The following XCR1 variants were observed in gnomAD, a reference collection of about 807,000 sequenced individuals.
XCR1 encodes X-C motif chemokine receptor 1.
For synonymous variants in XCR1, 187 were observed against 188.5 expected (o/e 0.99, Z 0.06); for missense variants, 356 against 424.2 (o/e 0.84, Z 1.41).
At chr3:46,078,518 G>T (rs988566942) in intron 1 of XCR1, among the ~76,000 whole-genome samples, 3 of 152,168 alleles carry the variant, frequency 2.0e-5, no homozygotes, top group Non-Finnish European at 4.4e-5. Context: ...AGGAGATTTG[G>T]GTTCCAGAAA....
At chr3:46,082,714 T>C (rs533980202) in intron 1 of XCR1, among the ~76,000 whole-genome samples, 4 of 151,970 alleles carry the variant, frequency 2.6e-5, no homozygotes, top group Non-Finnish European at 5.9e-5. Context: ...GGTCTCAAAC[T>C]CCTGGCCTTA....
At chr3:46,033,828 T>C (rs549676503) in intron 5 of XCR1, among the ~76,000 whole-genome samples, 6 of 152,336 alleles carry the variant, frequency 3.9e-5, no homozygotes, top group South Asian at 4.1e-4. Flanking sequence ...TAGGTCTTCG[T>C]TGATTTCTTT....
At chr3:46,059,430 A>C (rs1184358066) in intron 4 of XCR1, among the ~76,000 whole-genome samples, 1 of 152,200 alleles carries the variant, frequency 6.6e-6, no homozygotes, top group African/African-American at 2.4e-5. Flanking sequence ...GCTTGGAAGG[A>C]AAAATAGGTA....
chr3:46,076,289 G>A (rs537876945), intron 2 of XCR1, among the ~76,000 whole-genome samples: 1 of 152,302 alleles, frequency 6.6e-6, no homozygotes, highest in Non-Finnish European at 1.5e-5. Flanking sequence ...CACTTGGCCA[G>A]CTCTGGGAAC....
chr3:46,058,244 G>A (rs144123700), intron 4 of XCR1, among the ~76,000 whole-genome samples: 127 of 152,278 alleles, frequency 8.3e-4, no homozygotes, highest in African/African-American at 3.0e-3. Context: ...CTTATTAAAG[G>A]TAAGGTTCTG....
rs1697431365 is a variant in XCR1, at chr3:46,036,378, A to G, written c.-31-14400T>C. On this transcript the variant is annotated intron_variant, in intron 5 of 5. Coordinates refer to the XCR1 transcript ENST00000683768. ...ATTACATATGGGGCAAATAAAGTGT[A>G]ACCACGTAAACCAATGACTTTGTAT... Among the ~76,000 whole-genome samples the G allele has an allele frequency of 2.0e-5, 3 of 152,268 alleles. No homozygotes were observed. The South Asian group carries it at 6.2e-4, about 31-fold the overall frequency.
intron 1 of XCR1, among the ~76,000 whole-genome samples, chr3:46,085,491 A>C (rs1276858268): frequency 6.6e-6 from 1 of 152,102 alleles, no homozygotes; most frequent in Non-Finnish European, 1.5e-5. Flanking sequence ...CATTTTAAAC[A>C]CTTTGAGTTT....
upstream of XCR1, among the ~76,000 whole-genome samples, chr3:46,028,806 A>G (rs1206719785): frequency 2.0e-5 from 3 of 152,048 alleles, no homozygotes; most frequent in East Asian, 5.8e-4. Context: ...TGCCCAGACT[A>G]ATCTTGGACT....
intron 1 of XCR1, among the ~76,000 whole-genome samples, chr3:46,081,441 C>T (rs1294178519): frequency 6.6e-6 from 1 of 152,170 alleles, no homozygotes; most frequent in Non-Finnish European, 1.5e-5. Context: ...GTGATATCCT[C>T]CATTACTGCC....
upstream of XCR1, among the ~76,000 whole-genome samples, chr3:46,028,337 G>A (rs77733395): frequency 3.0e-4 from 45 of 152,126 alleles, no homozygotes; most frequent in African/African-American, 1.0e-3. Context: ...GAATAAAGAT[G>A]TTGAGCATCT....
intron 4 of XCR1, among the ~76,000 whole-genome samples, chr3:46,060,469 T>C (rs1489657863): frequency 6.6e-6 from 1 of 152,166 alleles, no homozygotes; most frequent in Non-Finnish European, 1.5e-5. Flanking sequence ...GGATCAATCA[T>C]CCCAACCAAC....
chr3:46,065,007 C>G (rs1394411082), intron 4 of XCR1, among the ~76,000 whole-genome samples: 1 of 152,080 alleles, frequency 6.6e-6, no homozygotes, highest in Non-Finnish European at 1.5e-5. Flanking sequence ...AGGAGAATTG[C>G]TTGAACCAGC....
intron 5 of XCR1, among the ~76,000 whole-genome samples, chr3:46,052,039 C>CAAAAAA (rs771023267): frequency 0.066 from 6,457 of 97,944 alleles, 181 homozygotes; most frequent in African/African-American, 0.14. Flanking sequence ...AAAACAAAAA[C>CAAAAAA]AAAAAAAAAA....
At chr3:46,058,720 T>C (rs1697901568) in intron 4 of XCR1, among the ~76,000 whole-genome samples, 2 of 152,116 alleles carry the variant, frequency 1.3e-5, no homozygotes, top group African/African-American at 2.4e-5. Context: ...GGTGCCACCA[T>C]GCCCAGCTAG....
At position 46,020,852 on chromosome 3, in the gene XCR1, T is replaced by G; in HGVS notation, c.*94A>C. On this transcript the variant is annotated 3_prime_UTR_variant, in exon 2 of 2. Transcript: ENST00000309285. ...AGCGGAGGAGACGTCTCCACCCTGC[T>G]GTGTTCTGCAATGCTCCTTCCAGGC... 6.8e-7 allele frequency: 1 copy of G among 1,471,278 alleles called. No homozygotes were observed. Among genetic ancestry groups the G allele is most frequent in the South Asian group, 1.4e-5 (1 of 71,632 alleles). 91.1% of individuals were successfully genotyped at this position (1,471,278 alleles called of 1,614,324 possible).
chr3:46,078,837 CT>C (rs1362025253), intron 1 of XCR1, among the ~76,000 whole-genome samples: 1 of 152,222 alleles, frequency 6.6e-6, no homozygotes, highest in Non-Finnish European at 1.5e-5. Flanking sequence ...TCTCTGCAGA[CT>C]TTGCAGAGGT....
upstream of XCR1, among the ~76,000 whole-genome samples, chr3:46,028,166 A>C (rs1009964412): frequency 6.6e-6 from 1 of 150,762 alleles, no homozygotes; most frequent in Non-Finnish European, 1.5e-5. Context: ...TGCCTTCTTC[A>C]CTCTCCAGTG....
At chr3:46,025,836 C>A (rs1708277628) in intron 1 of XCR1, among the ~76,000 whole-genome samples, 1 of 151,952 alleles carries the variant, frequency 6.6e-6, no homozygotes, top group Admixed American at 6.6e-5. Flanking sequence ...GCCAGAATAA[C>A]CCTGATACCA....
chr3:46,070,267 G>A (rs9845382), intron 3 of XCR1, among the ~76,000 whole-genome samples: 32,312 of 151,924 alleles, frequency 0.21, 5,169 homozygotes, highest in African/African-American at 0.44. Context: ...ATAGTTTTGA[G>A]TGGAATGTTC....
Sources: allele counts gnomAD v4.1 joint callset (sites outside exome capture counted in the v4.1 genomes callset), GRCh38; gene constraint gnomAD v4.1.1; transcripts MANE v1.5; gene names NCBI Gene and HGNC (gene_info 2026-07-23, HGNC 2026-07-21).